The following CPEB1 variants were observed in gnomAD, a reference collection of about 807,000 sequenced individuals.
The protein encoded by CPEB1 is cytoplasmic polyadenylation element binding protein 1, also known as cytoplasmic polyadenylation element-binding protein 1.
A neutral mutation model predicts 65.8 loss-of-function variants in CPEB1; 7 were observed. That is an observed-to-expected ratio of 0.11 (90% confidence interval 0.06 to 0.20). CPEB1 has a LOEUF of 0.20. Ranked by LOEUF, CPEB1 falls within the 10% of genes least tolerant of loss-of-function variation. The probability of loss-of-function intolerance (pLI) is 1.00; values close to 1 mark genes in which losing one functional copy is unlikely to be tolerated. For synonymous variants in CPEB1, 262 were observed against 260.0 expected, an observed-to-expected ratio of 1.01 and a Z score of -0.08; for missense variants, 551 against 712.2, an observed-to-expected ratio of 0.77 and a Z score of 2.58.
chr15:82,624,140 C>T (rs912091493), intron 3 of CPEB1, among the ~76,000 whole-genome samples: 1 of 152,118 alleles, frequency 6.6e-6, no homozygotes, highest in Admixed American at 6.5e-5. Context: ...CTGGTGACCA[C>T]AGAAAAAATG....
intron 3 of CPEB1, among the ~76,000 whole-genome samples, chr15:82,624,344 G>A (rs772940608): frequency 7.2e-5 from 11 of 152,128 alleles, no homozygotes; most frequent in Non-Finnish European, 1.2e-4. Context: ...CCTTAAATCT[G>A]CAGTATTGTC....
intron 3 of CPEB1, among the ~76,000 whole-genome samples, chr15:82,601,215 T>C: frequency 6.9e-6 from 1 of 144,290 alleles, no homozygotes; most frequent in Non-Finnish European, 1.5e-5. Flanking sequence ...GGGGTACAAC[T>C]TGTCACTTCT....
chr15:82,547,961 A>G (rs1007917741), intron 10 of CPEB1, among the ~76,000 whole-genome samples: 5 of 152,226 alleles, frequency 3.3e-5, no homozygotes, highest in Non-Finnish European at 7.3e-5. Context: ...GGTATAAGCC[A>G]TCATGGTCAG....
intron 3 of CPEB1, among the ~76,000 whole-genome samples, chr15:82,575,665 G>T (rs1306683883): frequency 6.6e-6 from 1 of 151,988 alleles, no homozygotes; most frequent in Non-Finnish European, 1.5e-5. Context: ...TTATATAAAT[G>T]GCCAATAAGA....
intron 3 of CPEB1, among the ~76,000 whole-genome samples, chr15:82,620,085 T>C (rs961760221): frequency 8.5e-5 from 13 of 152,266 alleles, no homozygotes; most frequent in African/African-American, 2.4e-4. Context: ...CCACAACCAG[T>C]TGCAACATGG....
intron 3 of CPEB1, among the ~76,000 whole-genome samples, chr15:82,625,773 A>G (rs1452140971): frequency 6.6e-6 from 1 of 152,106 alleles, no homozygotes; most frequent in Non-Finnish European, 1.5e-5. Flanking sequence ...ATTGTGGCTA[A>G]TTGTTTTCAA....
chr15:82,644,256 G>A (rs1289085435), intron 1 of CPEB1, among the ~76,000 whole-genome samples: 2 of 152,132 alleles, frequency 1.3e-5, no homozygotes, highest in African/African-American at 4.8e-5. Context: ...GCCTATAAAT[G>A]TGACCAGCTC....
intron 3 of CPEB1, among the ~76,000 whole-genome samples, chr15:82,625,650 C>T (rs1246903323): frequency 6.6e-6 from 1 of 152,094 alleles, no homozygotes; most frequent in African/African-American, 2.4e-5. Flanking sequence ...CCTTGAATAC[C>T]ACATTTTCCA....
intron 12 of CPEB1, among the ~76,000 whole-genome samples, chr15:82,546,059 C>G (rs1316943483): frequency 6.6e-6 from 1 of 152,194 alleles, no homozygotes; most frequent in East Asian, 1.9e-4. Flanking sequence ...TCTATGCTCT[C>G]AGACACCACA....
chr15:82,552,261 T>G (rs2036391381), intron 9 of CPEB1, among the ~76,000 whole-genome samples: 1 of 151,278 alleles, frequency 6.6e-6, no homozygotes, highest in East Asian at 1.9e-4. Context: ...GGCATGCGCA[T>G]GTGTGCATGC....
intron 4 of CPEB1, among the ~76,000 whole-genome samples, chr15:82,570,091 G>C (rs889844832): frequency 1.3e-5 from 2 of 152,096 alleles, no homozygotes; most frequent in African/African-American, 2.4e-5. Flanking sequence ...AGTTACTTAA[G>C]GTAAAGCTCT....
In CPEB1 at chr15:82,607,695, CAGACAAAACAGACATTA is replaced by C. The variant is rs1363363921; in HGVS notation, c.271+19481_271+19497del. Among the ~76,000 whole-genome samples, 6 of 152,184 alleles carry C rather than the reference CAGACAAAACAGACATTA, an allele frequency of 3.9e-5. 1 individual carries two copies. The South Asian group carries it at 6.2e-4, about 16-fold the overall frequency. ...GAGGTAGAATAACTGTGCCTATTACCAGACAAAACAGACATTAAGACAAAAATTGTTACTAGAGATAA... is the reference window on the plus strand; with the variant it reads ...GAGGTAGAATAACTGTGCCTATTACCAGACAAAAATTGTTACTAGAGATAA... On this transcript the variant is annotated intron_variant, in intron 3 of 12. Coordinates refer to ENST00000684509, the MANE Select transcript of CPEB1 (RefSeq NM_001365242.1).
At chr15:82,570,846 C>G (rs2039920264) in intron 4 of CPEB1, among the ~76,000 whole-genome samples, 1 of 152,182 alleles carries the variant, frequency 6.6e-6, no homozygotes, top group South Asian at 2.1e-4. Context: ...AGTGCATTAT[C>G]CAGCCTCATC....
intron 3 of CPEB1, among the ~76,000 whole-genome samples, chr15:82,612,803 C>CA (rs2044299216): frequency 6.6e-6 from 1 of 151,926 alleles, no homozygotes; most frequent in South Asian, 2.1e-4. Context: ...CACTGCACTC[C>CA]AGCCTGGGCA....
intron 12 of CPEB1, among the ~76,000 whole-genome samples, chr15:82,544,970 C>A (rs1383778259): frequency 6.6e-6 from 1 of 152,148 alleles, no homozygotes; most frequent in Admixed American, 6.5e-5. Flanking sequence ...TTCTCTTATC[C>A]CCTCTAACCA....
chr15:82,602,931 C>A (rs1020400302), intron 3 of CPEB1, among the ~76,000 whole-genome samples: 21 of 152,154 alleles, frequency 1.4e-4, no homozygotes, highest in African/African-American at 5.1e-4. Flanking sequence ...TCTGACAATT[C>A]TTCCTACATA....
chr15:82,571,522 G>A lies in CPEB1; in HGVS notation c.282C>T (p.Asp94=), dbSNP rs763080729. 6.2e-7 allele frequency: 1 copy of A among 1,613,620 alleles called. No individual in the cohort carries two copies. Among genetic ancestry groups the A allele is most frequent in the Non-Finnish European group, 8.5e-7 (1 of 1,179,678 alleles). The change falls in exon 4 of 13, where the codon GAC becomes GAT. Residue 94 remains aspartate, a synonymous_variant. Transcript: ENST00000684509. ...TCCTGCTTGTAACTGTTTCTTCAGAGTCCTGGAAGTCTGTTTTGGAAAGGA... is the reference window on the plus strand; with the variant it reads ...TCCTGCTTGTAACTGTTTCTTCAGAATCCTGGAAGTCTGTTTTGGAAAGGA... ...GIHDHLPDFQ[D]SEETVTSRML... is the part of the protein sequence containing the mutation.
intron 3 of CPEB1, among the ~76,000 whole-genome samples, chr15:82,590,893 C>T (rs553650884): frequency 2.0e-5 from 3 of 152,162 alleles, no homozygotes; most frequent in South Asian, 2.1e-4. Flanking sequence ...ATACATACTA[C>T]ATTTTCTTTA....
At chr15:82,592,002 T>C (rs1037888554) in intron 3 of CPEB1, among the ~76,000 whole-genome samples, 1 of 151,618 alleles carries the variant, frequency 6.6e-6, no homozygotes, top group Non-Finnish European at 1.5e-5. Context: ...TGCCACCACA[T>C]CCAGCTAATT....
Sources: gnomAD v4.1 joint callset for allele counts (sites outside exome capture counted in the v4.1 genomes callset) on GRCh38, gnomAD v4.1.1 for gene constraint, MANE v1.5 for transcripts, NCBI Gene and HGNC (gene_info 2026-07-23, HGNC 2026-07-21) for gene names.